Variants in PCDHGA8 observed in about 807,000 individuals in gnomAD.
The protein encoded by PCDHGA8 is protocadherin gamma-A8.
A neutral mutation model predicts 59.2 loss-of-function variants in PCDHGA8; 45 were observed. That is an observed-to-expected ratio of 0.76 (90% CI 0.60 to 0.98). The LOEUF is 0.98. Among genes scored for constraint, PCDHGA8 ranks in the 50% least tolerant of loss-of-function variants. PCDHGA8 has a pLI of 0.00. For missense variants in PCDHGA8, 1,257 were observed against 1,196.2 expected (o/e 1.05, Z -0.75); for synonymous variants, 531 against 519.0 (o/e 1.02, Z -0.32).
At chr5:141,472,003 A>T (rs1450802255) in intron 1 of PCDHGA8, among the ~76,000 whole-genome samples, 1 of 152,176 alleles carries the variant, frequency 6.6e-6, no homozygotes, top group Non-Finnish European at 1.5e-5. Context: ...CCTGCATCGT[A>T]TAGGGGCACT....
At chr5:141,436,053 A>G (rs971342534) in intron 1 of PCDHGA8, among the ~76,000 whole-genome samples, 2 of 152,232 alleles carry the variant, frequency 1.3e-5, no homozygotes, top group African/African-American at 2.4e-5. Flanking sequence ...TAGTTTTCAA[A>G]TAGAATTTAA....
chr5:141,422,869 T>A, intron 1 of PCDHGA8: 2 of 1,614,202 alleles, frequency 1.2e-6, no homozygotes, highest in Non-Finnish European at 1.7e-6. Context: ...CAGCAACGTG[T>A]CGCTGAGCCT....
At chr5:141,443,980 T>A (rs2098412674) in intron 1 of PCDHGA8, among the ~76,000 whole-genome samples, 1 of 152,036 alleles carries the variant, frequency 6.6e-6, no homozygotes, top group South Asian at 2.1e-4. Context: ...CTAAGCTATG[T>A]TAATTTTATT....
At chr5:141,480,178 C>T (rs143309515) in intron 1 of PCDHGA8, among the ~76,000 whole-genome samples, 346 of 150,752 alleles carry the variant, frequency 2.3e-3, no homozygotes, top group Non-Finnish European at 2.8e-3. Flanking sequence ...CTGAGGCAGG[C>T]GGATTGCTTG....
At position 141,395,077 on chromosome 5, in the gene PCDHGA8, A is replaced by G. The variant is rs2093162583; in HGVS notation, c.2264A>G (p.Gln755Arg). 3 of 1,614,024 alleles carry G rather than the reference A, an allele frequency of 1.9e-6. No homozygotes were observed. Among genetic ancestry groups the G allele is most frequent in the Non-Finnish European group, 2.5e-6 (3 of 1,180,034 alleles). Residue 755 changes from glutamine to arginine, a missense_variant, in exon 1 of 4, where the codon CAG becomes CGG. By Grantham distance (43) the Gln-to-Arg change is conservative. Coordinates refer to ENST00000398604, the MANE Select transcript of PCDHGA8 (RefSeq NM_032088.2). Reference protein sequence around the residue: ...EVQAFLQTYSQEVSLTADSRK... With the variant: ...EVQAFLQTYSREVSLTADSRK... ...CAGGCTTTCCTGCAGACCTATTCCC[A>G]GGAAGTCTCCCTCACCGCCGACTCG...
intron 1 of PCDHGA8, among the ~76,000 whole-genome samples, chr5:141,429,377 G>GT (rs566693637): frequency 0.17 from 24,737 of 149,382 alleles, 2,566 homozygotes; most frequent in African/African-American, 0.31. Context: ...GAGAAAATGT[G>GT]TTTTTTTTTT....
rs1267965791 is a variant in PCDHGA8, at chr5:141,431,329, G to C, written c.2424+36092G>C. 1 of 1,614,002 alleles carries C rather than the reference G, an allele frequency of 6.2e-7. No individual in the cohort carries two copies. Among genetic ancestry groups the C allele is most frequent in the East Asian group, 2.2e-5 (1 of 44,904 alleles). On this transcript the variant is annotated intron_variant, in intron 1 of 3. Coordinates refer to ENST00000398604, the MANE Select transcript of PCDHGA8 (RefSeq NM_032088.2). The surrounding 1 kb of genome is among the most constrained non-coding windows in gnomAD (Gnocchi z 4.8). ...TGCAAAATGGAGCCGACGGTAGTAA[G>C]TACCCCGAATTGGTGCTGAAACGCG...
chr5:141,477,438 C>G lies in PCDHGA8; in HGVS notation c.2425-17369C>G. 6.2e-7 allele frequency: 1 copy of G among 1,614,174 alleles called. No homozygotes were observed. Among genetic ancestry groups the G allele is most frequent in the Non-Finnish European group, 8.5e-7 (1 of 1,180,030 alleles). On this transcript the variant is annotated intron_variant, in intron 1 of 3. Coordinates refer to ENST00000398604, the MANE Select transcript of PCDHGA8 (RefSeq NM_032088.2). The surrounding 1 kb of genome is among the most constrained non-coding windows in gnomAD (Gnocchi z 4.9). ...GGAACCCCTTCCCTCTCAGCCCTTACAATAGTGCGTGTTCAAGTGTCCGAC... is the reference window on the plus strand; with the variant it reads ...GGAACCCCTTCCCTCTCAGCCCTTAGAATAGTGCGTGTTCAAGTGTCCGAC...
chr5:141,490,597 C>T lies in PCDHGA8; in HGVS notation c.2425-4210C>T, dbSNP rs781077720. Reference sequence around the variant, plus strand: ...TTCAGATGTCAATGACAATGCACCCCGCTTCAACCAGCAGCTTTACACTGC... The same window carrying T: ...TTCAGATGTCAATGACAATGCACCCTGCTTCAACCAGCAGCTTTACACTGC... On this transcript the variant is annotated intron_variant, in intron 1 of 3. Coordinates refer to ENST00000398604, the MANE Select transcript of PCDHGA8 (RefSeq NM_032088.2). The surrounding 1 kb of genome is among the most constrained non-coding windows in gnomAD (Gnocchi z 5.4). The T allele has an allele frequency of 1.2e-5, 20 of 1,614,182 alleles. No homozygotes were observed. The highest frequency in any genetic ancestry group is 3.3e-5 in the Admixed American group (2 of 60,026).
intron 1 of PCDHGA8, among the ~76,000 whole-genome samples, chr5:141,462,650 TC>T (rs1254671361): frequency 7.3e-6 from 1 of 137,262 alleles, no homozygotes; most frequent in African/African-American, 3.0e-5. Context: ...ATTTCCATCC[TC>T]AATTATCTTC....
intron 1 of PCDHGA8, among the ~76,000 whole-genome samples, chr5:141,446,325 T>G (rs1440954528): frequency 3.9e-5 from 6 of 152,124 alleles, no homozygotes; most frequent in African/African-American, 1.4e-4. Flanking sequence ...GTTTCCACAT[T>G]AAGGAACTGG....
intron 1 of PCDHGA8, among the ~76,000 whole-genome samples, chr5:141,483,361 A>C (rs752805137): frequency 4.6e-5 from 7 of 152,102 alleles, no homozygotes; most frequent in Non-Finnish European, 7.4e-5. Flanking sequence ...TTTGAAAGCT[A>C]TTGCAATATT....
chr5:141,468,815 A>G (rs866523229), intron 1 of PCDHGA8, among the ~76,000 whole-genome samples: 7 of 151,958 alleles, frequency 4.6e-5, no homozygotes, highest in Middle Eastern at 3.4e-3. Context: ...GCAGTGAGCC[A>G]AGATCAAGCC....
chr5:141,495,323 G>C (rs1029646773), intron 2 of PCDHGA8, among the ~76,000 whole-genome samples: 2 of 152,214 alleles, frequency 1.3e-5, no homozygotes, highest in African/African-American at 4.8e-5. Context: ...AGCCGAGGCT[G>C]ACTGCAGCCT....
In PCDHGA8 at chr5:141,417,713, C is replaced by T. The variant is rs905298887; in HGVS notation, c.2424+22476C>T. 1.3e-4 allele frequency: 160 copies of T among 1,271,624 alleles called. No homozygotes were observed. In the Admixed American group the frequency reaches 4.6e-3, roughly 37 times the overall value. The allele number at this position is 1,271,624 out of a possible 1,614,324, so 78.8% of individuals were successfully genotyped here. On this transcript the variant is annotated intron_variant, in intron 1 of 3. Transcript: ENST00000398604. ...AAACCAGCTCCCACACAGAGGCTCC[C>T]GGCTGCGCAGACCTTGCCCAGCACA... is the stretch of plus-strand genomic sequence containing the variant.
Position 141,421,313 on chromosome 5 carries a change from C to T in PCDHGA8, c.2424+26076C>T, listed in dbSNP as rs201429116. 461 of 1,613,716 alleles carry T rather than the reference C, an allele frequency of 2.9e-4. No homozygotes were observed. Among genetic ancestry groups the T allele is most frequent in the Non-Finnish European group, 3.7e-4 (436 of 1,179,850 alleles). On this transcript the variant is annotated intron_variant, in intron 1 of 3. Coordinates refer to ENST00000398604, the MANE Select transcript of PCDHGA8 (RefSeq NM_032088.2). ...CTGGGGACGCTGCGGGGGTTCCGGGCCAGGCAGATCCGATATTCGGTGCCA... is the reference window on the plus strand; with the variant it reads ...CTGGGGACGCTGCGGGGGTTCCGGGTCAGGCAGATCCGATATTCGGTGCCA...
chr5:141,429,592 T>C (rs2097226711), intron 1 of PCDHGA8, among the ~76,000 whole-genome samples: 1 of 152,234 alleles, frequency 6.6e-6, no homozygotes, highest in Non-Finnish European at 1.5e-5. Flanking sequence ...ATTCTTGTAA[T>C]TCAAGTAAAC....
In PCDHGA8 at chr5:141,490,113, C is replaced by G. The variant is rs2099696295; in HGVS notation, c.2425-4694C>G. Reference sequence around the variant, plus strand: ...ACCACACATCTGAGGCAGTGCGGAACCTCTTTGGCCTAGACCCTAGCAGTG... The same window carrying G: ...ACCACACATCTGAGGCAGTGCGGAAGCTCTTTGGCCTAGACCCTAGCAGTG... On this transcript the variant is annotated intron_variant, in intron 1 of 3. Transcript: ENST00000398604. This position sits in a 1 kb window ranked among gnomAD's most constrained non-coding sequence, Gnocchi z 5.4. 1 of 1,614,258 alleles carries G rather than the reference C, an allele frequency of 6.2e-7. No individual in the cohort carries two copies.
rs60063068 is a variant in PCDHGA8, at chr5:141,477,262, C to T, written c.2425-17545C>T. The T allele has an allele frequency of 1.9e-4, 313 of 1,614,138 alleles. No individual in the cohort carries two copies. In the African/African-American group the frequency reaches 3.7e-3, roughly 19 times the overall value. On this transcript the variant is annotated intron_variant, in intron 1 of 3. Coordinates refer to ENST00000398604, the MANE Select transcript of PCDHGA8 (RefSeq NM_032088.2). This position sits in a 1 kb window ranked among gnomAD's most constrained non-coding sequence, Gnocchi z 4.9. ...TCAGTGTGACTGACCTGGATGCTGG[C>T]GAGAACGGGCTGGTGACCTGCGAAG...
Sources: allele counts gnomAD v4.1 joint callset (sites outside exome capture counted in the v4.1 genomes callset), GRCh38; gene constraint gnomAD v4.1.1; non-coding constraint Gnocchi (gnomAD v3.1); transcripts MANE v1.5; gene names NCBI Gene and HGNC (gene_info 2026-07-23, HGNC 2026-07-21).